Variants in PCDH15 observed in about 807,000 individuals in gnomAD.
PCDH15 encodes the protein protocadherin related 15.
PCDH15 carries 129 observed loss-of-function variants against 178.5 expected under a neutral mutation model. The observed-to-expected ratio is 0.72, with a 90% CI of 0.63 to 0.84. PCDH15 has a LOEUF of 0.84. Among genes scored for constraint, PCDH15 ranks in the 40% least tolerant of loss-of-function variants. The pLI is 0.00. For synonymous variants in PCDH15, 800 were observed against 732.0 expected, an observed-to-expected ratio of 1.09 and a Z score of -1.50; for missense variants, 2,230 against 2,099.9, an observed-to-expected ratio of 1.06 and a Z score of -1.21.
At position 55,014,005 on chromosome 10, in the gene PCDH15, G is replaced by T. The variant is rs528947090; in HGVS notation, c.-79-116505C>A. Among the ~76,000 whole-genome samples the T allele has an allele frequency of 2.0e-5, 3 of 151,944 alleles. No homozygotes were observed. In the South Asian group the frequency reaches 6.2e-4, roughly 32 times the overall value. On this transcript the variant is annotated intron_variant, in intron 2 of 5. Transcript: ENST00000458638. ...TCTTTTAGTTTCTAGTATTCATTTA[G>T]ATATTATGATATAAAAATATACTGA...
chr10:55,103,409 T>C (rs1842615420), intron 2 of PCDH15, among the ~76,000 whole-genome samples: 1 of 152,176 alleles, frequency 6.6e-6, no homozygotes. Flanking sequence ...CTCTTGAATT[T>C]CTCCAAGATC....
intron 3 of PCDH15, among the ~76,000 whole-genome samples, chr10:54,392,490 A>AG (rs1950675341): frequency 6.6e-6 from 1 of 151,238 alleles, no homozygotes; most frequent in African/African-American, 2.4e-5. Flanking sequence ...AAAAAAAAAA[A>AG]AAAGAAATGT....
chr10:55,478,288 T>C (rs1048970624), intron 2 of PCDH15, among the ~76,000 whole-genome samples: 3 of 151,660 alleles, frequency 2.0e-5, no homozygotes, highest in Non-Finnish European at 4.4e-5. Context: ...CAAAGAAATA[T>C]AGAATTTAAA....
At chr10:55,078,403 A>G (rs554703738) in intron 2 of PCDH15, among the ~76,000 whole-genome samples, 10 of 152,304 alleles carry the variant, frequency 6.6e-5, no homozygotes, top group Non-Finnish European at 1.5e-4. Context: ...TTCATCAAAT[A>G]GGTTTTCCAA....
intron 1 of PCDH15, among the ~76,000 whole-genome samples, chr10:54,713,181 T>C (rs2095443343): frequency 6.6e-6 from 1 of 151,776 alleles, no homozygotes; most frequent in African/African-American, 2.4e-5. Flanking sequence ...TTCATAGATG[T>C]GGCTGTTTGT....
intron 1 of PCDH15, among the ~76,000 whole-genome samples, chr10:54,758,754 T>A (rs1469175655): frequency 1.3e-5 from 2 of 152,150 alleles, no homozygotes; most frequent in African/African-American, 2.4e-5. Context: ...TTGGGTTGTG[T>A]TTGGAACTAT....
intron 3 of PCDH15, among the ~76,000 whole-genome samples, chr10:54,449,340 T>C (rs1305801501): frequency 6.6e-6 from 1 of 151,800 alleles, no homozygotes; most frequent in African/African-American, 2.4e-5. Context: ...GGTGTAGAGT[T>C]GCCTAGTATT....
intron 18 of PCDH15, among the ~76,000 whole-genome samples, chr10:54,059,206 A>T (rs1407335132): frequency 6.6e-6 from 1 of 152,098 alleles, no homozygotes; most frequent in Non-Finnish European, 1.5e-5. Context: ...CTCCATTTCC[A>T]TTCATATTGC....
intron 8 of PCDH15, among the ~76,000 whole-genome samples, chr10:54,309,348 C>T (rs183564852): frequency 5.8e-4 from 88 of 151,418 alleles, no homozygotes; most frequent in African/African-American, 2.1e-3. Flanking sequence ...CACACACACA[C>T]ACACACACTT....
intron 1 of PCDH15, among the ~76,000 whole-genome samples, chr10:54,697,973 C>T (rs1043419288): frequency 3.2e-4 from 25 of 77,538 alleles, no homozygotes; most frequent in African/African-American, 7.7e-4. Context: ...GGTAGAGAGA[C>T]TCCTAAATCA....
intron 3 of PCDH15, among the ~76,000 whole-genome samples, chr10:54,383,193 T>C (rs955591872): frequency 4.0e-5 from 6 of 151,500 alleles, no homozygotes; most frequent in Non-Finnish European, 5.9e-5. Flanking sequence ...GTACTTTCTG[T>C]ACAACTGAAA....
chr10:55,094,240 A>G (rs1842390975), intron 2 of PCDH15, among the ~76,000 whole-genome samples: 1 of 152,096 alleles, frequency 6.6e-6, no homozygotes, highest in Admixed American at 6.6e-5. Context: ...TGTCCCTTGT[A>G]GGGACATGGA....
chr10:54,468,125 C>G (rs1410774021), intron 3 of PCDH15, among the ~76,000 whole-genome samples: 2 of 151,538 alleles, frequency 1.3e-5, no homozygotes, highest in African/African-American at 2.4e-5. Flanking sequence ...TTTGTTGACC[C>G]TTTGTATTAT....
At chr10:55,602,169 G>T (rs186006782) in intron 2 of PCDH15, among the ~76,000 whole-genome samples, 7 of 152,118 alleles carry the variant, frequency 4.6e-5, no homozygotes, top group African/African-American at 7.2e-5. Context: ...CGAATACTGC[G>T]CTTTTCCAAC....
chr10:54,893,686 AT>A (rs1954502396), intron 3 of PCDH15, among the ~76,000 whole-genome samples: 1 of 152,148 alleles, frequency 6.6e-6, no homozygotes, highest in African/African-American at 2.4e-5. Flanking sequence ...AACATTCTCT[AT>A]TCCTCATTTT....
intron 13 of PCDH15, 34 bp downstream of exon 13, chr10:54,183,410 T>C (rs756662838): frequency 1.3e-6 from 2 of 1,574,506 alleles, no homozygotes; most frequent in Non-Finnish European, 1.7e-6. Flanking sequence ...AAATAACAGC[T>C]TTGAGTGTAC....
intron 9 of PCDH15, among the ~76,000 whole-genome samples, chr10:54,227,383 G>C (rs747323938): frequency 1.1e-4 from 17 of 152,200 alleles, no homozygotes; most frequent in Middle Eastern, 3.2e-3. Flanking sequence ...CAGGGCCTGA[G>C]CTCTATGTTG....
chr10:54,195,798 A>T lies in PCDH15; in HGVS notation c.1190T>A (p.Met397Lys), dbSNP rs2049553609. Residue 397 changes from methionine (M) to lysine (K), a missense_variant, in exon 11 of 38, where the codon ATG (methionine) becomes AAG (lysine). By Grantham distance (95) the Met-to-Lys change is moderately conservative. Transcript: ENST00000644397. ...DENNQSPYFT[M>K]PSYQGYILES... ...CAGGATATAGCCTTGATAACTGGGC[A>T]TTGTAAAATATGGACTTTGATTGTT... is the stretch of plus-strand genomic sequence containing the variant. 1 of 1,614,024 alleles carries T rather than the reference A, an allele frequency of 6.2e-7. No individual in the cohort carries two copies.
intron 2 of PCDH15, among the ~76,000 whole-genome samples, chr10:54,536,694 T>C (rs767964722): frequency 6.6e-6 from 1 of 152,178 alleles, no homozygotes; most frequent in Non-Finnish European, 1.5e-5. Context: ...GACATCCTTA[T>C]GCCCATGGCT....
Sources: gnomAD v4.1 joint callset for allele counts (sites outside exome capture counted in the v4.1 genomes callset) on GRCh38, gnomAD v4.1.1 for gene constraint, MANE v1.5 for transcripts, NCBI Gene and HGNC (gene_info 2026-07-23, HGNC 2026-07-21) for gene names.